Variants in NEK10 observed in about 807,000 individuals in gnomAD.
The protein encoded by NEK10 is serine/threonine-protein kinase Nek10.
A neutral mutation model predicts 159.8 loss-of-function variants in NEK10; 122 were observed. That is an observed-to-expected ratio of 0.76 (90% confidence interval 0.66 to 0.89). The LOEUF (loss-of-function observed/expected upper bound fraction) is 0.89, where lower values mean the gene tolerates loss of function less well. Ranked by LOEUF, NEK10 falls within the 40% of genes least tolerant of loss-of-function variation. The probability of loss-of-function intolerance (pLI) is 0.00; values close to 1 mark genes in which losing one functional copy is unlikely to be tolerated. For synonymous variants in NEK10, 466 were observed against 457.1 expected (o/e 1.02, Z -0.25); for missense variants, 1,342 against 1,323.1 (o/e 1.01, Z -0.22).
chr3:27,342,947 C>G (rs966375664), intron 5 of NEK10, among the ~76,000 whole-genome samples: 5 of 152,106 alleles, frequency 3.3e-5, no homozygotes, highest in South Asian at 2.1e-4. Flanking sequence ...TTGCAGTGTT[C>G]ATTAATCTTT....
At chr3:27,322,105 A>G (rs2045681195) in intron 6 of NEK10, 72 bp downstream of exon 6, 2 of 782,358 alleles carry the variant, frequency 2.6e-6, no homozygotes, top group East Asian at 5.4e-5. Flanking sequence ...GACTACTTCA[A>G]AGAAAAGCCC....
intron 32 of NEK10, among the ~76,000 whole-genome samples, chr3:27,126,741 A>T (rs1941998563): frequency 6.6e-6 from 1 of 151,650 alleles, no homozygotes; most frequent in Non-Finnish European, 1.5e-5. Flanking sequence ...TTGGCTGCAA[A>T]TTAGAATCAC....
At chr3:27,304,726 C>A in intron 12 of NEK10, 21 bp downstream of exon 12, 12 of 1,548,092 alleles carry the variant, frequency 7.8e-6, no homozygotes, top group African/African-American at 1.4e-5. Context: ...GCAAAGTAGG[C>A]CAAAGCCCAC....
intron 30 of NEK10, chr3:27,162,395 G>C (rs1195967891): frequency 1.3e-6 from 2 of 1,584,322 alleles, no homozygotes; most frequent in Non-Finnish European, 1.7e-6. Context: ...AGACATCTCA[G>C]GCCCAACTAT....
At chr3:27,119,933 G>C in intron 32 of NEK10, 65 bp from the exon 33 acceptor site, 1 of 1,222,474 alleles carries the variant, frequency 8.2e-7, no homozygotes, top group Non-Finnish European at 1.2e-6. Flanking sequence ...GGAGACCTCT[G>C]TGTGGGGTTT....
chr3:27,160,808 A>T (rs1945948209), intron 30 of NEK10, among the ~76,000 whole-genome samples: 1 of 152,176 alleles, frequency 6.6e-6, no homozygotes, highest in African/African-American at 2.4e-5. Flanking sequence ...CGGTAGGCTG[A>T]GGCAGGAGAA....
At chr3:27,282,571 TTA>T (rs371647398) in intron 22 of NEK10, among the ~76,000 whole-genome samples, 4 of 43,122 alleles carry the variant, frequency 9.3e-5, no homozygotes, top group Middle Eastern at 0.013. Flanking sequence ...CATAACTGTG[TTA>T]TATATATATA....
chr3:27,300,476 G>A (rs1266593994), intron 13 of NEK10, among the ~76,000 whole-genome samples: 1 of 152,098 alleles, frequency 6.6e-6, no homozygotes, highest in Non-Finnish European at 1.5e-5. Flanking sequence ...GCAGCAGCGT[G>A]AAAATGGACT....
chr3:27,263,446 G>C (rs2149360699), intron 22 of NEK10, among the ~76,000 whole-genome samples: 1 of 152,304 alleles, frequency 6.6e-6, no homozygotes, highest in Middle Eastern at 3.4e-3. Flanking sequence ...AGGCCTCCTT[G>C]AGCTGCGGTG....
chr3:27,322,308 G>T, intron 5 of NEK10, 47 bp from the exon 6 acceptor site: 1 of 1,159,838 alleles, frequency 8.6e-7, no homozygotes, highest in Non-Finnish European at 1.3e-6. Context: ...AAATCCCAGT[G>T]TGGCAATTCA....
intron 5 of NEK10, among the ~76,000 whole-genome samples, chr3:27,324,297 T>A (rs2045861481): frequency 6.6e-6 from 1 of 152,180 alleles, no homozygotes; most frequent in Non-Finnish European, 1.5e-5. Flanking sequence ...GCAAGGTGCA[T>A]TTCACATCAG....
At chr3:27,119,937 G>A in intron 32 of NEK10, 69 bp from the exon 33 acceptor site, 1 of 1,180,936 alleles carries the variant, frequency 8.5e-7, no homozygotes, top group Non-Finnish European at 1.3e-6. Flanking sequence ...ACCTCTGTGT[G>A]GGGTTTTTCA....
At chr3:27,337,298 A>C (rs1257872068) in intron 5 of NEK10, among the ~76,000 whole-genome samples, 1 of 152,202 alleles carries the variant, frequency 6.6e-6, no homozygotes, top group Non-Finnish European at 1.5e-5. Context: ...GGAAAACTAC[A>C]AAACACTGAT....
chr3:27,135,859 C>T (rs1310595359), intron 31 of NEK10, among the ~76,000 whole-genome samples: 1 of 152,120 alleles, frequency 6.6e-6, no homozygotes, highest in Non-Finnish European at 1.5e-5. Context: ...AAATCTAGGT[C>T]ACCCTTGCCA....
Position 27,344,364 on chromosome 3 carries a change from G to C in NEK10, c.270C>G (p.Asn90Lys). 5 of 1,537,128 alleles carry C rather than the reference G, an allele frequency of 3.3e-6. No individual in the cohort carries two copies. The highest frequency in any genetic ancestry group is 4.5e-6 in the Non-Finnish European group (5 of 1,117,298). ...TGCTGAAATTTCTCTCATTCTTGTAGTTTATACTGAGACAAAACAAACAGA... is the reference window on the plus strand; with the variant it reads ...TGCTGAAATTTCTCTCATTCTTGTACTTTATACTGAGACAAAACAAACAGA... ...EAVELENFSI[N>K]YKNERNFSKH... Residue 90 changes from asparagine (N) to lysine (K), a missense_variant, in exon 5 of 36, where the codon AAC (asparagine) becomes AAG (lysine). Physicochemically the swap from Asn to Lys is moderately conservative, Grantham distance 94. Coordinates refer to ENST00000691995, the MANE Select transcript of NEK10 (RefSeq NM_001394966.1).
At position 27,322,251 on chromosome 3, in the gene NEK10, T is replaced by G. The variant is rs2045695445; in HGVS notation, c.373A>C (p.Asn125His). The change falls in exon 6 of 36, where the codon AAT (asparagine) becomes CAT (histidine). Residue 125 changes from asparagine to histidine, a missense_variant. Physicochemically the swap from Asn to His is moderately conservative, Grantham distance 68. Coordinates refer to ENST00000691995, the MANE Select transcript of NEK10 (RefSeq NM_001394966.1). Reference sequence around the variant, plus strand: ...AGAAAATGAATAGATGGGGCTCGATTAACCCACTCTCTGAAAGAAGAAAAC... The same window carrying G: ...AGAAAATGAATAGATGGGGCTCGATGAACCCACTCTCTGAAAGAAGAAAAC... ...KNRLISREWV[N>H]RAPSIHFLRV... The G allele has an allele frequency of 1.3e-6, 2 of 1,540,572 alleles. No individual in the cohort carries two copies. The highest frequency in any genetic ancestry group is 3.8e-5 in the Admixed American group (2 of 52,140).
intron 23 of NEK10, among the ~76,000 whole-genome samples, chr3:27,211,814 AATTGATTGATTG>A (rs61171891): frequency 6.6e-6 from 1 of 152,186 alleles, no homozygotes; most frequent in African/African-American, 2.4e-5. Flanking sequence ...TATACTAATT[AATTGATTGATTG>A]ATTGATTGAA....
chr3:27,279,911 TGTA>T (rs2042028815), intron 22 of NEK10, among the ~76,000 whole-genome samples: 1 of 152,076 alleles, frequency 6.6e-6, no homozygotes, highest in African/African-American at 2.4e-5. Context: ...GGCTCACGCC[TGTA>T]ATCCCAGCAC....
At chr3:27,236,909 T>C (rs1953978911) in intron 23 of NEK10, among the ~76,000 whole-genome samples, 1 of 152,134 alleles carries the variant, frequency 6.6e-6, no homozygotes, top group Non-Finnish European at 1.5e-5. Context: ...GTGGGATCTT[T>C]TCCCCACTCT....
Sources: gnomAD v4.1 joint callset for allele counts (sites outside exome capture counted in the v4.1 genomes callset) on GRCh38, gnomAD v4.1.1 for gene constraint, MANE v1.5 for transcripts, NCBI Gene and HGNC (gene_info 2026-07-23, HGNC 2026-07-21) for gene names.